RNF125: variants seen among roughly 807,000 people sequenced by gnomAD.
The protein encoded by RNF125 is E3 ubiquitin-protein ligase RNF125.
RNF125 carries 21 observed loss-of-function variants against 26.0 expected under a neutral mutation model. The ratio of observed to expected loss-of-function variants is 0.81; its 90% CI spans 0.57 to 1.16. The LOEUF (loss-of-function observed/expected upper bound fraction) is 1.16, where lower values mean the gene tolerates loss of function less well. Ranked by LOEUF, RNF125 falls within the 50% of genes most tolerant of loss-of-function variation. The pLI, the probability that RNF125 is intolerant of heterozygous loss-of-function variation, is 0.00. For synonymous variants in RNF125, 95 were observed against 109.2 expected, an observed-to-expected ratio of 0.87 and a Z score of 0.81; for missense variants, 270 against 299.4, an observed-to-expected ratio of 0.90 and a Z score of 0.72.
chr18:32,019,573 CAA>C (rs2038965577), intron 1 of RNF125, among the ~76,000 whole-genome samples: 1 of 152,166 alleles, frequency 6.6e-6, no homozygotes, highest in African/African-American at 2.4e-5. Context: ...AGGATCTGTG[CAA>C]AGTGTCTTTC....
At chr18:32,048,748 G>A (rs1444188677) in intron 4 of RNF125, among the ~76,000 whole-genome samples, 1 of 152,168 alleles carries the variant, frequency 6.6e-6, no homozygotes, top group East Asian at 1.9e-4. Flanking sequence ...GTAGGAGCTT[G>A]TTAGGTGTTG....
At chr18:32,048,960 A>G (rs2039299117) in intron 4 of RNF125, among the ~76,000 whole-genome samples, 1 of 152,260 alleles carries the variant, frequency 6.6e-6, no homozygotes, top group East Asian at 1.9e-4. Flanking sequence ...TCTGTGAAGA[A>G]GGTTGAACCC....
intron 1 of RNF125, among the ~76,000 whole-genome samples, chr18:32,035,098 ATGCCTTC>A (rs1363104085): frequency 1.7e-3 from 265 of 152,196 alleles, no homozygotes; most frequent in African/African-American, 5.8e-3. Context: ...CCAGGTGCTC[ATGCCTTC>A]AGCAGGAGTT....
At chr18:32,064,283 G>A (rs2039461746) in intron 4 of RNF125, among the ~76,000 whole-genome samples, 1 of 151,510 alleles carries the variant, frequency 6.6e-6, no homozygotes, top group Admixed American at 6.6e-5. Context: ...CGGCGCCCAG[G>A]GATTACACTT....
chr18:32,076,348 A>C, downstream of RNF125: 1 of 269,508 alleles, frequency 3.7e-6, no homozygotes, highest in Non-Finnish European at 7.2e-6. Flanking sequence ...ACAGGGTCTC[A>C]CTCTGTCTTC....
At chr18:32,037,362 ACC>A in intron 2 of RNF125, 93 bp downstream of exon 2, 1 of 294,076 alleles carries the variant, frequency 3.4e-6, no homozygotes, top group Non-Finnish European at 5.4e-6. Flanking sequence ...CATGGTACGC[ACC>A]TTTTTTTTTT....
chr18:32,047,097 C>T (rs1452202444), intron 4 of RNF125, among the ~76,000 whole-genome samples: 1 of 152,102 alleles, frequency 6.6e-6, no homozygotes, highest in Non-Finnish European at 1.5e-5. Flanking sequence ...AGTGCAGTGG[C>T]TTGATCTTGG....
the RNF125 span, among the ~76,000 whole-genome samples, chr18:32,085,432 G>T: frequency 6.7e-6 from 1 of 148,306 alleles, no homozygotes; most frequent in South Asian, 2.1e-4. Flanking sequence ...GGGTGAGGGG[G>T]CTCACACCTG....
downstream of RNF125, among the ~76,000 whole-genome samples, chr18:32,077,295 C>A (rs2039576398): frequency 6.7e-6 from 1 of 150,266 alleles, no homozygotes; most frequent in South Asian, 2.1e-4. Flanking sequence ...TGAATAGCCA[C>A]TGCATTCCAG....
chr18:32,070,259 A>G lies in RNF125; in HGVS notation c.*1875A>G, dbSNP rs1180556089. The G allele has an allele frequency of 6.6e-6, 1 of 152,122 alleles. No homozygotes were observed. The highest frequency in any genetic ancestry group is 1.9e-4 in the East Asian group (1 of 5,184). The allele number at this position is 152,122 out of a possible 1,614,324, so 9.4% of individuals were successfully genotyped here. On this transcript the variant is annotated 3_prime_UTR_variant, in exon 6 of 6. Transcript: ENST00000217740. ...CACCATAATGGTCAGGCTGGTCTTG[A>G]ACTCCTGAACTCAAGTGATCCACCA... is the stretch of plus-strand genomic sequence containing the variant.
chr18:32,041,193 G>C (rs1277930337), intron 2 of RNF125, among the ~76,000 whole-genome samples: 2 of 152,138 alleles, frequency 1.3e-5, no homozygotes, highest in African/African-American at 4.8e-5. Context: ...ATCCCTCATG[G>C]TTAGGCTCTC....
chr18:32,080,195 AT>A, the RNF125 span, among the ~76,000 whole-genome samples: 1 of 152,002 alleles, frequency 6.6e-6, no homozygotes, highest in Non-Finnish European at 1.5e-5. Context: ...CGCCCAGCTA[AT>A]TTTTGTATTT....
chr18:32,037,364 CTTTTT>C (rs796828237), intron 2 of RNF125, 95 bp downstream of exon 2: 855 of 130,176 alleles, frequency 6.6e-3, no homozygotes, highest in Middle Eastern at 9.5e-3. Context: ...TGGTACGCAC[CTTTTT>C]TTTTTTTTTT....
At chr18:32,074,729 G>A (rs1036253235), downstream of RNF125, among the ~76,000 whole-genome samples, 7 of 152,248 alleles carry the variant, frequency 4.6e-5, no homozygotes, top group Admixed American at 1.3e-4. Context: ...TTTTAGTAGA[G>A]ACGGAGTTTC....
intron 5 of RNF125, 88 bp downstream of exon 5, chr18:32,066,097 G>A (rs1029590447): frequency 1.3e-5 from 10 of 788,792 alleles, no homozygotes; most frequent in African/African-American, 1.2e-4. Context: ...AATTATAGAG[G>A]AAAAAATGTG....
chr18:32,088,828 C>T, the RNF125 span, among the ~76,000 whole-genome samples: 2,164 of 152,194 alleles, frequency 0.014, 58 homozygotes, highest in African/African-American at 0.05. Flanking sequence ...AGCACCCAAT[C>T]AGCAAGAAGT....
Position 32,038,051 on chromosome 18 carries a change from T to C in RNF125, c.318+782T>C, listed in dbSNP as rs566973786. ...CTCTTTGGGTCCGTGCCATTTTTTT[T>C]TTTTTTTTTTTTTTTGAGACAGAGT... On this transcript the variant is annotated intron_variant, in intron 2 of 5. Transcript: ENST00000217740. Among the ~76,000 whole-genome samples, 39 of 146,572 alleles carry C rather than the reference T, an allele frequency of 2.7e-4. No homozygotes were observed. The East Asian group carries it at 7.5e-3, about 28-fold the overall frequency.
At chr18:32,022,009 A>G (rs184968950) in intron 1 of RNF125, among the ~76,000 whole-genome samples, 2 of 152,128 alleles carry the variant, frequency 1.3e-5, no homozygotes, top group Non-Finnish European at 2.9e-5. Flanking sequence ...GTCCCCTTCC[A>G]CTTTATAAAT....
intron 1 of RNF125, 117 bp from the exon 2 acceptor site, chr18:32,036,999 A>T: frequency 1.2e-6 from 1 of 853,878 alleles, no homozygotes; most frequent in Non-Finnish European, 1.8e-6. Context: ...GTAATTTGGT[A>T]GTATGGCTCA....
Sources: gnomAD v4.1 joint callset for allele counts (sites outside exome capture counted in the v4.1 genomes callset) on GRCh38, gnomAD v4.1.1 for gene constraint, MANE v1.5 for transcripts, NCBI Gene and HGNC (gene_info 2026-07-23, HGNC 2026-07-21) for gene names.